Variants in CSTF3 observed in about 807,000 individuals in gnomAD.
CSTF3 encodes cleavage stimulation factor subunit 3.
A neutral mutation model predicts 105.8 loss-of-function variants in CSTF3; 29 were observed. The ratio of observed to expected loss-of-function variants is 0.27; its 90% confidence interval spans 0.20 to 0.37. The LOEUF is 0.37. Ranked by LOEUF, CSTF3 falls within the 10% of genes least tolerant of loss-of-function variation. The pLI, the probability that CSTF3 is intolerant of heterozygous loss-of-function variation, is 1.00. For synonymous variants in CSTF3, 252 were observed against 281.9 expected (o/e 0.89, Z 1.06); for missense variants, 357 against 879.3 (o/e 0.41, Z 7.51).
Position 33,085,051 on chromosome 11 carries a change from C to T in CSTF3, c.*36G>A, listed in dbSNP as rs1029837438. The T allele has an allele frequency of 1.1e-5, 18 of 1,609,430 alleles. 1 individual carries two copies. Among genetic ancestry groups the T allele is most frequent in the East Asian group, 2.2e-5 (1 of 44,860 alleles). The stretch of plus-strand genomic sequence containing the variant: ...ACATACCACTTGAGGCAAAAGGAAT[C>T]CTGGACAGGAGTTTTCTGCAGAGGC... On this transcript the variant is annotated 3_prime_UTR_variant, in exon 21 of 21. Transcript: ENST00000323959.
intron 3 of CSTF3, among the ~76,000 whole-genome samples, chr11:33,129,762 A>G (rs868172947): frequency 1.3e-5 from 2 of 152,238 alleles, no homozygotes; most frequent in Non-Finnish European, 2.9e-5. Context: ...CTTCTTACCC[A>G]TAAAAGTATC....
Position 33,084,663 on chromosome 11 carries a change from TAAAAAC to T in CSTF3, c.*418_*423del, listed in dbSNP as rs1467840853. On this transcript the variant is annotated 3_prime_UTR_variant, in exon 21 of 21. Coordinates refer to ENST00000323959, the MANE Select transcript of CSTF3 (RefSeq NM_001326.3). The stretch of plus-strand genomic sequence containing the variant: ...CGGATTTCATACATTCTGCCATAAA[TAAAAAC>T]AAACAATAAGGCAGGACTCTACATA... 1.9e-5 allele frequency: 3 copies of T among 159,518 alleles called. No homozygotes were observed. Among genetic ancestry groups the T allele is most frequent in the Non-Finnish European group, 2.8e-5 (2 of 72,100 alleles). 9.9% of individuals were successfully genotyped at this position (159,518 alleles called of 1,614,324 possible).
Position 33,120,800 on chromosome 11 carries a change from A to T in CSTF3, c.226-12382T>A, listed in dbSNP as rs547919331. 5.3e-5 allele frequency among the ~76,000 whole-genome samples: 8 copies of T among 152,118 alleles called. No individual in the cohort carries two copies. The South Asian group carries it at 1.7e-3, about 31-fold the overall frequency. ...TTCATTCAAAAATAGGTTTTAGATT[A>T]TACTGTCTTAAATATCAAGGGAAAT... On this transcript the variant is annotated intron_variant, in intron 3 of 20. Coordinates refer to ENST00000323959, the MANE Select transcript of CSTF3 (RefSeq NM_001326.3).
intron 1 of CSTF3, among the ~76,000 whole-genome samples, chr11:33,158,456 T>C (rs770457637): frequency 9.2e-5 from 14 of 152,214 alleles, no homozygotes; most frequent in Non-Finnish European, 1.6e-4. Context: ...AACAGAATTG[T>C]GGGTTTTAAA....
At chr11:33,152,132 G>A (rs1849790570) in intron 1 of CSTF3, among the ~76,000 whole-genome samples, 1 of 152,136 alleles carries the variant, frequency 6.6e-6, no homozygotes, top group Admixed American at 6.5e-5. Context: ...ACAGGCACCT[G>A]TAATCCCACC....
chr11:33,134,910 C>A (rs1855637152), intron 3 of CSTF3, among the ~76,000 whole-genome samples: 1 of 152,120 alleles, frequency 6.6e-6, no homozygotes, highest in African/African-American at 2.4e-5. Context: ...ACCAGCACAA[C>A]ACTCAAGTTG....
chr11:33,100,745 C>A (rs576550729), intron 10 of CSTF3, among the ~76,000 whole-genome samples: 72 of 152,196 alleles, frequency 4.7e-4, no homozygotes, highest in Non-Finnish European at 9.3e-4. Context: ...AGCACAACAC[C>A]TGAAGAAGGG....
chr11:33,131,122 T>C (rs772897824), intron 3 of CSTF3, among the ~76,000 whole-genome samples: 52 of 152,214 alleles, frequency 3.4e-4, no homozygotes, highest in Admixed American at 9.8e-4. Flanking sequence ...CTTTGTACTC[T>C]CTGAAATTAA....
At chr11:33,102,465 T>C in intron 9 of CSTF3, 126 bp from the exon 10 acceptor site, 5 of 778,494 alleles carry the variant, frequency 6.4e-6, no homozygotes, top group Non-Finnish European at 8.1e-6. Flanking sequence ...TTTGTTAATA[T>C]AATCTAAAAA....
chr11:33,128,427 CCA>C (rs1160939609), intron 3 of CSTF3, among the ~76,000 whole-genome samples: 6 of 151,760 alleles, frequency 4.0e-5, no homozygotes, highest in Non-Finnish European at 5.9e-5. Flanking sequence ...CAGGAAGCTT[CCA>C]CAGTCATTTA....
At chr11:33,090,878 A>G (rs1855162509) in intron 16 of CSTF3, 151 bp from the exon 17 acceptor site, 2 of 501,384 alleles carry the variant, frequency 4.0e-6, no homozygotes, top group Non-Finnish European at 6.9e-6. Flanking sequence ...AGAAAAATAG[A>G]ATAGTATAAT....
Position 33,103,173 on chromosome 11 carries a change from A to T in CSTF3, c.597T>A (p.Ile199=), listed in dbSNP as rs1374674219. The T allele has an allele frequency of 1.9e-6, 3 of 1,550,822 alleles. No individual in the cohort carries two copies. The highest frequency in any genetic ancestry group is 2.6e-6 in the Non-Finnish European group (3 of 1,141,720). The change falls in exon 9 of 21, where the codon ATT becomes ATA. Residue 199 remains isoleucine (I), a synonymous_variant. Coordinates refer to ENST00000323959, the MANE Select transcript of CSTF3 (RefSeq NM_001326.3). ...CTTCAATCATTTTTTTAGCTAAATG[A>T]ATATTGATACCCTAGAAAAAAACAA... ...DYNKYEEGIN[I]HLAKKMIEDR...
intron 3 of CSTF3, among the ~76,000 whole-genome samples, chr11:33,124,848 C>T (rs1288921353): frequency 6.6e-6 from 1 of 152,212 alleles, no homozygotes; most frequent in East Asian, 1.9e-4. Flanking sequence ...GTCAATTCCA[C>T]TGTCTTCTAG....
intron 1 of CSTF3, among the ~76,000 whole-genome samples, chr11:33,146,247 A>T (rs935382968): frequency 1.3e-5 from 2 of 151,534 alleles, no homozygotes; most frequent in African/African-American, 4.8e-5. Context: ...CGTCTCAAAA[A>T]AAAAGAAAAA....
chr11:33,123,640 CAT>C (rs1387617537), intron 3 of CSTF3, among the ~76,000 whole-genome samples: 2 of 151,764 alleles, frequency 1.3e-5, no homozygotes, highest in Non-Finnish European at 2.9e-5. Context: ...TTAAAAGAAA[CAT>C]AGAATATTAT....
Position 33,142,965 on chromosome 11 carries a change from A to G in CSTF3, c.28-979T>C, listed in dbSNP as rs374468836. On this transcript the variant is annotated intron_variant, in intron 1 of 20. Coordinates refer to ENST00000323959, the MANE Select transcript of CSTF3 (RefSeq NM_001326.3). ...TAATGTCTTAGATTTATTATGAGAG[A>G]GGTTGAAGTCACAGATCCTCTGAAA... Among the ~76,000 whole-genome samples the G allele has an allele frequency of 9.9e-5, 15 of 152,198 alleles. 2 individuals are homozygous for G. Among genetic ancestry groups the G allele is most frequent in the Admixed American group, 7.9e-4 (12 of 15,282 alleles).
At chr11:33,137,822 A>G (rs754556895) in intron 3 of CSTF3, among the ~76,000 whole-genome samples, 1 of 151,870 alleles carries the variant, frequency 6.6e-6, no homozygotes, top group Non-Finnish European at 1.5e-5. Context: ...CATAATCTAT[A>G]TAATGCAGTA....
chr11:33,137,229 A>G (rs1174655719), intron 3 of CSTF3, among the ~76,000 whole-genome samples: 1 of 151,874 alleles, frequency 6.6e-6, no homozygotes, highest in Non-Finnish European at 1.5e-5. Flanking sequence ...GTTGACTAGC[A>G]CAAGATTTTG....
intron 17 of CSTF3, among the ~76,000 whole-genome samples, chr11:33,089,874 A>AC (rs1855148410): frequency 6.6e-6 from 1 of 152,212 alleles, no homozygotes. Flanking sequence ...AGATGATATA[A>AC]CAGTGGTTTT....
Sources: allele counts gnomAD v4.1 joint callset (sites outside exome capture counted in the v4.1 genomes callset), GRCh38; gene constraint gnomAD v4.1.1; transcripts MANE v1.5; gene names NCBI Gene and HGNC (gene_info 2026-07-23, HGNC 2026-07-21).